The following ZMIZ1 variants were observed in gnomAD, a reference collection of about 807,000 sequenced individuals.
ZMIZ1 encodes the protein zinc finger MIZ-type containing 1.
Under a neutral mutation model 113.9 loss-of-function variants are expected in ZMIZ1, and 17 were observed. That is an observed-to-expected ratio of 0.15 (90% CI 0.10 to 0.22). The LOEUF is 0.22. ZMIZ1 is among the 10% of genes least tolerant of loss of function. ZMIZ1 has a pLI of 1.00. For synonymous variants in ZMIZ1, 607 were observed against 603.1 expected, an observed-to-expected ratio of 1.01 and a Z score of -0.09; for missense variants, 1,059 against 1,477.8, an observed-to-expected ratio of 0.72 and a Z score of 4.65.
intron 10 of ZMIZ1, 125 bp downstream of exon 10, chr10:79,291,301 C>T: frequency 6.5e-6 from 8 of 1,238,566 alleles, no homozygotes; most frequent in Non-Finnish European, 8.7e-6. Context: ...TCTGTTGTTA[C>T]ATGAGTTGAA....
At chr10:79,252,677 T>G (rs953517086) in intron 7 of ZMIZ1, among the ~76,000 whole-genome samples, 16 of 152,208 alleles carry the variant, frequency 1.1e-4, no homozygotes, top group African/African-American at 3.9e-4. Context: ...CACAGGTCTG[T>G]TATAGCTACA....
At chr10:79,145,344 T>TGCCCACGCGACAGA (rs11268036) in intron 3 of ZMIZ1, among the ~76,000 whole-genome samples, 2 of 151,760 alleles carry the variant, frequency 1.3e-5, no homozygotes, top group African/African-American at 2.4e-5. Flanking sequence ...CATTCCGGAG[T>TGCCCACGCGACAGA]GCCTGCGAGG....
At chr10:79,076,096 A>G (rs1842465367) in intron 1 of ZMIZ1, among the ~76,000 whole-genome samples, 1 of 152,172 alleles carries the variant, frequency 6.6e-6, no homozygotes, top group Non-Finnish European at 1.5e-5. Context: ...TGTAGCATAA[A>G]ATTAGTGGGA....
intron 24 of ZMIZ1, among the ~76,000 whole-genome samples, 166 bp from the exon 25 acceptor site, chr10:79,312,476 G>A (rs1255565835): frequency 6.6e-6 from 1 of 152,230 alleles, no homozygotes; most frequent in Non-Finnish European, 1.5e-5. Context: ...GGTATGTGTG[G>A]GGATACCTGG....
At chr10:79,080,913 G>A (rs377170684) in intron 1 of ZMIZ1, among the ~76,000 whole-genome samples, 1 of 152,198 alleles carries the variant, frequency 6.6e-6, no homozygotes, top group South Asian at 2.1e-4. Flanking sequence ...GAAGGCTCTG[G>A]ATGCTCCTAT....
At chr10:79,107,674 A>T (rs1417777231) in intron 1 of ZMIZ1, among the ~76,000 whole-genome samples, 2 of 152,168 alleles carry the variant, frequency 1.3e-5, no homozygotes, top group Admixed American at 6.5e-5. Context: ...TCCTCCGTTG[A>T]TGGACGCTAC....
At chr10:79,148,949 TGGG>T (rs1369415008) in intron 3 of ZMIZ1, among the ~76,000 whole-genome samples, 2 of 152,194 alleles carry the variant, frequency 1.3e-5, no homozygotes, top group African/African-American at 2.4e-5. Flanking sequence ...CCTGTTTGAT[TGGG>T]GTAATCTGGA....
At chr10:79,298,662 C>T (rs1854080246) in intron 15 of ZMIZ1, 82 bp downstream of exon 15, 1 of 1,316,116 alleles carries the variant, frequency 7.6e-7, no homozygotes, top group South Asian at 1.3e-5. Flanking sequence ...AGTCAGGCTG[C>T]CTGGGGAGTG....
intron 4 of ZMIZ1, among the ~76,000 whole-genome samples, chr10:79,201,164 C>T (rs569823754): frequency 3.8e-4 from 58 of 152,212 alleles, no homozygotes; most frequent in Admixed American, 1.2e-3. Flanking sequence ...AAAAATTAGC[C>T]GGGTGTGGTG....
chr10:79,119,124 C>G (rs1751711649), intron 2 of ZMIZ1, 100 bp downstream of exon 2: 1 of 152,188 alleles, frequency 6.6e-6, no homozygotes, highest in Non-Finnish European at 1.5e-5. Context: ...TTTCAGGGGC[C>G]CAGAGGGCTG....
chr10:79,168,547 C>T (rs534014420), intron 4 of ZMIZ1, among the ~76,000 whole-genome samples: 13 of 152,324 alleles, frequency 8.5e-5, no homozygotes, highest in East Asian at 3.9e-4. Context: ...CAGACAGGCA[C>T]CCAGCTTGTG....
chr10:79,103,331 C>A (rs1843437017), intron 1 of ZMIZ1, among the ~76,000 whole-genome samples: 1 of 152,062 alleles, frequency 6.6e-6, no homozygotes, highest in African/African-American at 2.4e-5. Context: ...AGCTTTACAG[C>A]TGTAAGGAAG....
intron 3 of ZMIZ1, among the ~76,000 whole-genome samples, chr10:79,160,648 A>G (rs879155236): frequency 6.6e-6 from 1 of 152,242 alleles, no homozygotes; most frequent in Non-Finnish European, 1.5e-5. Flanking sequence ...CTGCCTCTCA[A>G]TCACCAGGCC....
intron 23 of ZMIZ1, among the ~76,000 whole-genome samples, chr10:79,309,048 C>T (rs1035913191): frequency 4.6e-5 from 7 of 152,100 alleles, no homozygotes; most frequent in East Asian, 1.9e-4. Context: ...TGTGCCAGGC[C>T]GGTGGGGCAG....
intron 4 of ZMIZ1, among the ~76,000 whole-genome samples, chr10:79,182,066 G>T (rs1189847252): frequency 1.3e-5 from 2 of 152,216 alleles, no homozygotes; most frequent in Non-Finnish European, 2.9e-5. Context: ...CCCTGGTTCT[G>T]TTTGGGCTGG....
At chr10:79,261,341 T>C (rs546400082) in intron 7 of ZMIZ1, among the ~76,000 whole-genome samples, 5 of 152,340 alleles carry the variant, frequency 3.3e-5, no homozygotes, top group African/African-American at 9.6e-5. Context: ...TAATTTTTCA[T>C]GGCCTCCATC....
At chr10:79,242,240 G>C (rs1003451158) in intron 7 of ZMIZ1, among the ~76,000 whole-genome samples, 1 of 152,078 alleles carries the variant, frequency 6.6e-6, no homozygotes, top group Non-Finnish European at 1.5e-5. Flanking sequence ...AAGAGGCCTC[G>C]GCCACCACAG....
intron 7 of ZMIZ1, among the ~76,000 whole-genome samples, chr10:79,261,135 C>T (rs2131902214): frequency 6.6e-6 from 1 of 152,292 alleles, no homozygotes; most frequent in Non-Finnish European, 1.5e-5. Flanking sequence ...GGATGTGCTC[C>T]AGACCCCCAG....
intron 4 of ZMIZ1, among the ~76,000 whole-genome samples, chr10:79,183,600 T>G (rs1195137955): frequency 6.6e-6 from 1 of 152,196 alleles, no homozygotes; most frequent in East Asian, 1.9e-4. Flanking sequence ...GAGCGTGAGC[T>G]CTGAAGTCTG....
Sources: allele counts gnomAD v4.1 joint callset (sites outside exome capture counted in the v4.1 genomes callset), GRCh38; gene constraint gnomAD v4.1.1; transcripts MANE v1.5; gene names NCBI Gene and HGNC (gene_info 2026-07-23, HGNC 2026-07-21).